Variants in LVRN observed in about 807,000 individuals in gnomAD.
LVRN encodes the protein aminopeptidase Q.
In LVRN, 99 loss-of-function variants were observed where a neutral mutation model predicts 111.4. That is an observed-to-expected ratio of 0.89 (90% confidence interval 0.76 to 1.05). LVRN has a LOEUF of 1.05. Ranked by LOEUF, LVRN falls within the 50% of genes least tolerant of loss-of-function variation. The pLI is 0.00. For synonymous variants in LVRN, 488 were observed against 449.5 expected (o/e 1.09, Z -1.08); for missense variants, 1,414 against 1,206.8 (o/e 1.17, Z -2.54).
chr5:115,992,014 T>C, intron 4 of LVRN, 109 bp from the exon 5 acceptor site: 1 of 1,044,968 alleles, frequency 9.6e-7, no homozygotes, highest in Non-Finnish European at 1.4e-6. Flanking sequence ...AGGTTATAAA[T>C]ATTCCCTTGA....
chr5:115,990,631 G>T (rs1459564715), intron 4 of LVRN, among the ~76,000 whole-genome samples: 1 of 152,062 alleles, frequency 6.6e-6, no homozygotes, highest in Non-Finnish European at 1.5e-5. Context: ...GAGTGCAGTG[G>T]TGCAATCCCC....
intron 1 of LVRN, among the ~76,000 whole-genome samples, chr5:115,974,271 T>G (rs1202177842): frequency 1.3e-5 from 2 of 152,184 alleles, no homozygotes; most frequent in African/African-American, 4.8e-5. Context: ...ATTACCAAGT[T>G]GTTCATAGGA....
intron 13 of LVRN, among the ~76,000 whole-genome samples, chr5:116,009,916 G>A (rs573800368): frequency 4.6e-5 from 7 of 152,206 alleles, no homozygotes; most frequent in African/African-American, 7.2e-5. Flanking sequence ...CAGGATGTGT[G>A]AGGGGATTGA....
chr5:115,963,169 C>T lies in LVRN; in HGVS notation c.552C>T (p.Asp184=), dbSNP rs201990695. ...VPVDDVWFAL[D]TEYMVLELSE... ...TGGACGACGTGTGGTTCGCGCTGGA[C>T]ACGGAATACATGGTGCTGGAGCTCA... Residue 184 remains aspartate (D), a synonymous_variant, in exon 1 of 20, where the codon GAC becomes GAT. Transcript: ENST00000357872. The T allele has an allele frequency of 3.7e-6, 6 of 1,613,008 alleles. No homozygotes were observed. The highest frequency in any genetic ancestry group is 5.1e-6 in the Non-Finnish European group (6 of 1,179,784).
Position 116,000,572 on chromosome 5 carries a change from T to C in LVRN, c.1582-21T>C, listed in dbSNP as rs578249742. On this transcript the variant is annotated intron_variant, in intron 8 of 19. Coordinates refer to ENST00000357872, the MANE Select transcript of LVRN (RefSeq NM_173800.5). ...CATTGGCATGCTATTTATTTTAACCTTAACTTTTCTATTTTTACAGTCATA... is the reference window on the plus strand; with the variant it reads ...CATTGGCATGCTATTTATTTTAACCCTAACTTTTCTATTTTTACAGTCATA... 3.9e-5 allele frequency: 63 copies of C among 1,613,664 alleles called. 2 individuals carry two copies. The South Asian group carries it at 5.9e-4, about 15-fold the overall frequency.
intron 3 of LVRN, among the ~76,000 whole-genome samples, chr5:115,985,702 T>G (rs1747842377): frequency 6.6e-6 from 1 of 152,208 alleles, no homozygotes; most frequent in African/African-American, 2.4e-5. Flanking sequence ...TTCTGAGTTG[T>G]GTAAAGTCAG....
intron 12 of LVRN, among the ~76,000 whole-genome samples, chr5:116,003,589 T>G (rs1410974359): frequency 5.8e-3 from 37 of 6,432 alleles, no homozygotes; most frequent in Non-Finnish European, 6.6e-3. Context: ...TTTTTTTTGT[T>G]TTTTTTTTTT....
intron 19 of LVRN, among the ~76,000 whole-genome samples, chr5:116,024,511 A>G (rs915958228): frequency 1.7e-4 from 26 of 152,252 alleles, no homozygotes; most frequent in African/African-American, 6.3e-4. Context: ...TCAGGATCTG[A>G]TTTATCAGGT....
At chr5:115,975,275 A>C (rs1383840678) in intron 1 of LVRN, 2 of 398,966 alleles carry the variant, frequency 5.0e-6, no homozygotes, top group Non-Finnish European at 9.6e-6. Context: ...AAAACCAAGT[A>C]GGTTACACTT....
chr5:116,009,943 A>G (rs905566053), intron 13 of LVRN, among the ~76,000 whole-genome samples: 10 of 152,224 alleles, frequency 6.6e-5, no homozygotes, highest in African/African-American at 2.4e-4. Context: ...TTTTGAAAGA[A>G]GTTTTGCTGT....
intron 1 of LVRN, among the ~76,000 whole-genome samples, chr5:115,970,031 T>C (rs1753289587): frequency 6.6e-6 from 1 of 152,130 alleles, no homozygotes; most frequent in African/African-American, 2.4e-5. Flanking sequence ...TGTTGCTTCT[T>C]TATATTTCTA....
At position 116,026,206 on chromosome 5, in the gene LVRN, ACC is replaced by A; in HGVS notation, c.*89_*90del. 1 of 1,538,238 alleles carries A rather than the reference ACC, an allele frequency of 6.5e-7. No individual in the cohort carries two copies. The highest frequency in any genetic ancestry group is 8.9e-7 in the Non-Finnish European group (1 of 1,128,038). On this transcript the variant is annotated 3_prime_UTR_variant, in exon 20 of 20. Transcript: ENST00000357872. ...TTCCAATACTTTGTGAGTCTGGAAA[ACC>A]ACACATTTTATTTGTATTTCAGTCA...
intron 1 of LVRN, among the ~76,000 whole-genome samples, chr5:115,964,917 C>T (rs534896463): frequency 3.7e-4 from 57 of 152,272 alleles, no homozygotes; most frequent in African/African-American, 1.3e-3. Flanking sequence ...GGAAAAGACA[C>T]CTAAGGTTAA....
intron 14 of LVRN, among the ~76,000 whole-genome samples, chr5:116,011,870 A>G (rs546969203): frequency 1.3e-5 from 2 of 152,260 alleles, no homozygotes; most frequent in South Asian, 4.1e-4. Context: ...TTATAATTTT[A>G]TATTTACCAG....
intron 16 of LVRN, among the ~76,000 whole-genome samples, chr5:116,014,797 A>T (rs768555776): frequency 6.6e-6 from 1 of 152,112 alleles, no homozygotes; most frequent in African/African-American, 2.4e-5. Context: ...TGAGCTGTCT[A>T]TGCTTGTTTT....
At chr5:115,993,470 G>A (rs1417609254) in intron 5 of LVRN, among the ~76,000 whole-genome samples, 1 of 152,120 alleles carries the variant, frequency 6.6e-6, no homozygotes, top group Non-Finnish European at 1.5e-5. Flanking sequence ...TGCTATTCTA[G>A]CTGACCTTAT....
chr5:116,014,210 C>G lies in LVRN; in HGVS notation c.2343-210C>G, dbSNP rs188687359. The stretch of plus-strand genomic sequence containing the variant: ...TCAAAAAATACTGGCTTTAGGAGCT[C>G]TTTTTGGTGCCTAAGAGCCTCTCAG... On this transcript the variant is annotated intron_variant, in intron 15 of 19. Coordinates refer to ENST00000357872, the MANE Select transcript of LVRN (RefSeq NM_173800.5). Among the ~76,000 whole-genome samples the G allele has an allele frequency of 2.6e-3, 399 of 152,254 alleles. 1 individual carries two copies. Among genetic ancestry groups the G allele is most frequent in the African/African-American group, 9.1e-3 (380 of 41,554 alleles).
intron 13 of LVRN, among the ~76,000 whole-genome samples, chr5:116,008,692 C>T (rs1284813944): frequency 6.6e-6 from 1 of 151,966 alleles, no homozygotes; most frequent in Non-Finnish European, 1.5e-5. Context: ...CACAATATTC[C>T]CTTAAACCAA....
At chr5:115,998,467 G>C (rs1455443564) in intron 6 of LVRN, among the ~76,000 whole-genome samples, 2 of 152,130 alleles carry the variant, frequency 1.3e-5, no homozygotes, top group Admixed American at 1.3e-4. Flanking sequence ...GGATGAAAAA[G>C]AACTACACTA....
Sources: gnomAD v4.1 joint callset for allele counts (sites outside exome capture counted in the v4.1 genomes callset) on GRCh38, gnomAD v4.1.1 for gene constraint, MANE v1.5 for transcripts, NCBI Gene and HGNC (gene_info 2026-07-23, HGNC 2026-07-21) for gene names.